Variants in DSCAM observed in about 807,000 individuals in gnomAD.
DSCAM encodes the protein cell adhesion molecule DSCAM.
A neutral mutation model predicts 217.7 loss-of-function variants in DSCAM; 47 were observed. The observed-to-expected ratio is 0.22, with a 90% CI of 0.17 to 0.28. The LOEUF (loss-of-function observed/expected upper bound fraction) is 0.28, where lower values mean the gene tolerates loss of function less well. Among genes scored for constraint, DSCAM ranks in the 10% least tolerant of loss-of-function variants. DSCAM has a pLI of 1.00. For missense variants in DSCAM, 2,080 were observed against 2,618.3 expected, an observed-to-expected ratio of 0.79 and a Z score of 4.49; for synonymous variants, 1,056 against 1,015.3, an observed-to-expected ratio of 1.04 and a Z score of -0.76.
intron 8 of DSCAM, among the ~76,000 whole-genome samples, chr21:40,318,727 G>C (rs1053191595): frequency 4.6e-5 from 7 of 152,194 alleles, no homozygotes; most frequent in African/African-American, 1.7e-4. Context: ...ATATGATGAG[G>C]GAGTGATAAG....
In DSCAM at chr21:40,670,970, A is replaced by G. The variant is rs372631792; in HGVS notation, c.508+21840T>C. 1.3e-4 allele frequency among the ~76,000 whole-genome samples: 20 copies of G among 152,344 alleles called. No homozygotes were observed. In the East Asian group the frequency reaches 3.7e-3, roughly 28 times the overall value. On this transcript the variant is annotated intron_variant, in intron 3 of 32. Coordinates refer to ENST00000400454, the MANE Select transcript of DSCAM (RefSeq NM_001389.5). ...AAGAGAAAATAGTCTCCATTAAAAAATATTGTAATCAGATTATAAGAAAAT... is the reference window on the plus strand; with the variant it reads ...AAGAGAAAATAGTCTCCATTAAAAAGTATTGTAATCAGATTATAAGAAAAT...
rs115223332 is a variant in DSCAM, at chr21:40,417,620, T to C, written c.509-48375A>G. 6.9e-3 allele frequency among the ~76,000 whole-genome samples: 1,046 copies of C among 152,332 alleles called. 21 individuals carry two copies. The highest frequency in any genetic ancestry group is 0.025 in the East Asian group (131 of 5,190). On this transcript the variant is annotated intron_variant, in intron 3 of 32. Transcript: ENST00000400454. ...ACAGTAAATAACTCATATTTTATCT[T>C]ATTGCTATAGTATGGAATTTAGCTA... is the stretch of plus-strand genomic sequence containing the variant.
chr21:40,229,859 C>T (rs775725600), intron 11 of DSCAM, among the ~76,000 whole-genome samples: 1 of 152,180 alleles, frequency 6.6e-6, no homozygotes, highest in Non-Finnish European at 1.5e-5. Context: ...GTTGGGCAAA[C>T]ACCCAGGTGT....
rs61560593 is a variant in DSCAM, at chr21:40,512,010, A to AAT, written c.509-142766_509-142765insAT. On this transcript the variant is annotated intron_variant, in intron 3 of 32. Coordinates refer to ENST00000400454, the MANE Select transcript of DSCAM (RefSeq NM_001389.5). ...TGTCTCAAAAAAAAAAAAAAAAAAA[A>AAT]GTATTCTATTTGAGGTCTTGCTTTT... Among the ~76,000 whole-genome samples, 193 of 106,404 alleles carry AAT rather than the reference A, an allele frequency of 1.8e-3. 17 individuals carry two copies. Among genetic ancestry groups the AAT allele is most frequent in the African/African-American group, 6.6e-3 (179 of 26,924 alleles). The allele number at this position is 106,404 out of a possible 152,430, so 69.8% of individuals were successfully genotyped here. A position where few individuals can be genotyped will look rare whatever the true frequency, so the allele number is the denominator to read the frequency against.
intron 4 of DSCAM, 111 bp downstream of exon 4, chr21:40,368,988 G>T: frequency 8.1e-7 from 1 of 1,228,328 alleles, no homozygotes; most frequent in Non-Finnish European, 1.1e-6. Flanking sequence ...TTTGGAAAAG[G>T]AATTGAAGGC....
intron 1 of DSCAM, among the ~76,000 whole-genome samples, chr21:40,825,270 C>CTTCT (rs35355846): frequency 3.1e-3 from 138 of 44,936 alleles, no homozygotes; most frequent in African/African-American, 0.013. Context: ...TCTTTCTTTC[C>CTTCT]TTCCTTCCTT....
At chr21:40,224,756 G>A (rs2091316538) in intron 11 of DSCAM, among the ~76,000 whole-genome samples, 1 of 152,134 alleles carries the variant, frequency 6.6e-6, no homozygotes, top group Admixed American at 6.5e-5. Context: ...GAGTATCAGA[G>A]ACACTGCATC....
chr21:40,211,006 C>G (rs1295599834), intron 11 of DSCAM, among the ~76,000 whole-genome samples: 1 of 152,250 alleles, frequency 6.6e-6, no homozygotes, highest in African/African-American at 2.4e-5. Flanking sequence ...TTATTCCTAT[C>G]TGTCTGTGTT....
At chr21:40,565,579 A>G (rs1011797926) in intron 3 of DSCAM, among the ~76,000 whole-genome samples, 1 of 152,132 alleles carries the variant, frequency 6.6e-6, no homozygotes, top group African/African-American at 2.4e-5. Flanking sequence ...TGCTGTCCCT[A>G]CCTTCTAAAT....
intron 14 of DSCAM, 100 bp downstream of exon 14, chr21:40,187,031 T>C: frequency 6.9e-7 from 1 of 1,450,858 alleles, no homozygotes; most frequent in Non-Finnish European, 9.3e-7. Context: ...TGAGCTCCTG[T>C]GAGCTGAGCT....
chr21:40,245,755 T>C (rs114804050), intron 11 of DSCAM, among the ~76,000 whole-genome samples: 2,698 of 152,290 alleles, frequency 0.018, 68 homozygotes, highest in African/African-American at 0.062. Flanking sequence ...CCATGGGCTT[T>C]TGTGCTTTTC....
chr21:40,080,427 G>A (rs1242893809), intron 24 of DSCAM, 87 bp from the exon 25 acceptor site: 1 of 1,169,322 alleles, frequency 8.6e-7, no homozygotes, highest in African/African-American at 1.6e-5. Flanking sequence ...GTGGGTAATA[G>A]AACGAGCATT....
chr21:40,248,953 A>G (rs1163307061), intron 11 of DSCAM, among the ~76,000 whole-genome samples: 1 of 152,070 alleles, frequency 6.6e-6, no homozygotes, highest in African/African-American at 2.4e-5. Context: ...AAAAGCAGAA[A>G]CCCCTGATAA....
intron 1 of DSCAM, among the ~76,000 whole-genome samples, chr21:40,742,364 T>C (rs904277116): frequency 6.6e-6 from 1 of 152,202 alleles, no homozygotes; most frequent in African/African-American, 2.4e-5. Flanking sequence ...TTAATGAATT[T>C]GTTTAAAGAT....
At chr21:40,671,476 C>T (rs1312254500) in intron 3 of DSCAM, among the ~76,000 whole-genome samples, 1 of 151,756 alleles carries the variant, frequency 6.6e-6, no homozygotes, top group Non-Finnish European at 1.5e-5. Context: ...GAGTTCGAGA[C>T]CAGCCTGGTC....
At chr21:40,346,512 T>G (rs971860745) in intron 6 of DSCAM, among the ~76,000 whole-genome samples, 6 of 152,210 alleles carry the variant, frequency 3.9e-5, no homozygotes, top group Non-Finnish European at 7.3e-5. Context: ...TCAATTGATA[T>G]CAGATGAATT....
chr21:40,809,808 G>T (rs1266870090), intron 1 of DSCAM, among the ~76,000 whole-genome samples: 1 of 152,148 alleles, frequency 6.6e-6, no homozygotes. Flanking sequence ...TTAAAGAAAG[G>T]TTTAACAGAA....
chr21:40,283,551 G>A (rs982618951), intron 10 of DSCAM, among the ~76,000 whole-genome samples: 1 of 152,132 alleles, frequency 6.6e-6, no homozygotes, highest in African/African-American at 2.4e-5. Flanking sequence ...CCACTTTGAA[G>A]GCAGCAGCAA....
chr21:40,547,733 T>C (rs9975452), intron 3 of DSCAM, among the ~76,000 whole-genome samples: 65,724 of 151,946 alleles, frequency 0.43, 15,442 homozygotes, highest in Admixed American at 0.54. Flanking sequence ...GGAAACAAGA[T>C]GTCTGGACAC....
Sources: allele counts gnomAD v4.1 joint callset (sites outside exome capture counted in the v4.1 genomes callset), GRCh38; gene constraint gnomAD v4.1.1; transcripts MANE v1.5; gene names NCBI Gene and HGNC (gene_info 2026-07-23, HGNC 2026-07-21).